TECPR1: variants seen among roughly 807,000 people sequenced by gnomAD.
TECPR1 encodes tectonin beta-propeller repeat-containing protein 1.
TECPR1 carries 122 observed loss-of-function variants against 162.4 expected under a neutral mutation model. The ratio of observed to expected loss-of-function variants is 0.75; its 90% confidence interval spans 0.65 to 0.87. TECPR1 has a LOEUF of 0.87. Among genes scored for constraint, TECPR1 ranks in the 40% least tolerant of loss-of-function variants. The pLI is 0.00. For synonymous variants in TECPR1, 642 were observed against 670.6 expected (o/e 0.96, Z 0.66); for missense variants, 1,432 against 1,618.2 (o/e 0.88, Z 1.97).
intron 8 of TECPR1, 34 bp downstream of exon 8, chr7:98,240,817 C>A: frequency 6.5e-7 from 1 of 1,547,086 alleles, no homozygotes; most frequent in South Asian, 1.2e-5. Context: ...AACTCCTGGG[C>A]TCAAGTGATC....
In TECPR1 at chr7:98,246,138, G is replaced by T. The variant is rs767345742; in HGVS notation, c.9C>A (p.Asn3Lys). Residue 3 changes from asparagine (N) to lysine (K), a missense_variant, in exon 3 of 26, where the codon AAC (asparagine) becomes AAA (lysine). By Grantham distance (94) the Asn-to-Lys change is moderately conservative. Transcript: ENST00000447648. MP[N>K]SVLWAVDLFG... The stretch of plus-strand genomic sequence containing the variant: ...AGAGGTCCACCGCCCACAGCACTGA[G>T]TTGGGCATGGCAGCGGCTGGAGGTA... 1 of 1,544,410 alleles carries T rather than the reference G, an allele frequency of 6.5e-7. No homozygotes were observed. Among genetic ancestry groups the T allele is most frequent in the South Asian group, 1.2e-5 (1 of 83,986 alleles).
At chr7:98,233,379 C>T in intron 11 of TECPR1, 42 bp downstream of exon 11, 1 of 1,415,742 alleles carries the variant, frequency 7.1e-7, no homozygotes, top group Non-Finnish European at 9.2e-7. Flanking sequence ...CCCCAGGGCA[C>T]CTGGCCATGT....
chr7:98,248,531 G>A (rs538557544), intron 2 of TECPR1, among the ~76,000 whole-genome samples: 4 of 71,088 alleles, frequency 5.6e-5, no homozygotes, highest in African/African-American at 1.1e-4. Flanking sequence ...AGCTGCCACC[G>A]GCAAAAAAAA....
At chr7:98,218,130 C>CTCTA in intron 23 of TECPR1, 88 bp from the exon 24 acceptor site, 1 of 1,079,274 alleles carries the variant, frequency 9.3e-7, no homozygotes, top group Non-Finnish European at 1.4e-6. Flanking sequence ...CCAGGCCCCG[C>CTCTA]TCTAACCACT....
chr7:98,217,543 T>C (rs1562931176), intron 25 of TECPR1, 40 bp from the exon 26 acceptor site: 2 of 1,384,980 alleles, frequency 1.4e-6, no homozygotes, highest in African/African-American at 3.2e-5. Flanking sequence ...ACTCGGGGAC[T>C]CGAGGATCCT....
intron 10 of TECPR1, among the ~76,000 whole-genome samples, chr7:98,234,478 A>C (rs947680887): frequency 6.6e-6 from 1 of 152,154 alleles, no homozygotes; most frequent in Non-Finnish European, 1.5e-5. Flanking sequence ...TTTATAAAAG[A>C]CCAGCTTCAG....
Position 98,233,805 on chromosome 7 carries a change from G to A in TECPR1, c.1288C>T (p.Pro430Ser), listed in dbSNP as rs752432719. The change falls in exon 11 of 26, where the codon CCT (proline) becomes TCT (serine). Residue 430 changes from proline (P) to serine (S), a missense_variant. Physicochemically the swap from Pro to Ser is moderately conservative, Grantham distance 74. Transcript: ENST00000447648. The part of the protein sequence containing the change: ...VERPGPGQIL[P>S]AEPLDDSKNA... ...TTGGAATCGTCTAGAGGTTCTGCAGGGAGAATCTGGCCAGGCCCTGGTCTC... is the reference window on the plus strand; with the variant it reads ...TTGGAATCGTCTAGAGGTTCTGCAGAGAGAATCTGGCCAGGCCCTGGTCTC... 6.2e-7 allele frequency: 1 copy of A among 1,608,240 alleles called. No individual in the cohort carries two copies. The highest frequency in any genetic ancestry group is 8.5e-7 in the Non-Finnish European group (1 of 1,177,922).
chr7:98,229,390 G>C (rs561618840), intron 15 of TECPR1, among the ~76,000 whole-genome samples: 6 of 152,298 alleles, frequency 3.9e-5, no homozygotes, highest in African/African-American at 1.4e-4. Flanking sequence ...GGCTGTGCAG[G>C]TCAGACCCTC....
At chr7:98,220,140 G>C (rs187380756) in intron 23 of TECPR1, among the ~76,000 whole-genome samples, 1 of 151,888 alleles carries the variant, frequency 6.6e-6, no homozygotes, top group African/African-American at 2.4e-5. Context: ...TCAGGAGTTC[G>C]AGACCAGCCT....
chr7:98,236,866 G>A lies in TECPR1; in HGVS notation c.1091C>T (p.Pro364Leu). The change falls in exon 10 of 26, where the codon CCC (proline) becomes CTC (leucine). Residue 364 changes from proline (P) to leucine (L), a missense_variant. Physicochemically the swap from Pro to Leu is moderately conservative, Grantham distance 98. Transcript: ENST00000447648. The stretch of plus-strand genomic sequence containing the variant: ...CCAGGTCTTCCCACTGAGCTCGCTG[G>A]GGGTGACACCCTGCCGGAAGTACAC... ...RAVYFRQGVTPSELSGKTWKA... is the reference protein window; with the variant it reads ...RAVYFRQGVTLSELSGKTWKA... The A allele has an allele frequency of 6.3e-7, 1 of 1,582,272 alleles. No individual in the cohort carries two copies. The highest frequency in any genetic ancestry group is 1.4e-5 in the African/African-American group (1 of 73,276).
chr7:98,221,641 T>G lies in TECPR1; in HGVS notation c.3157+20A>C. 1 of 1,610,844 alleles carries G rather than the reference T, an allele frequency of 6.2e-7. No individual in the cohort carries two copies. On this transcript the variant is annotated intron_variant, in intron 23 of 25. Coordinates refer to ENST00000447648, the MANE Select transcript of TECPR1 (RefSeq NM_015395.3). ...CATGCCCAGCCAAAACATTAAAAAT[T>G]TAAAAAAAGAGCAACTTGCCATTCT...
rs1001659499 is a variant in TECPR1, at chr7:98,218,027, C to T, written c.3173G>A (p.Arg1058His). The T allele has an allele frequency of 6.4e-6, 10 of 1,565,428 alleles. No homozygotes were observed. Among genetic ancestry groups the T allele is most frequent in the South Asian group, 1.2e-5 (1 of 84,866 alleles). Residue 1058 changes from arginine (R) to histidine (H), a missense_variant, in exon 24 of 26, where the codon CGC becomes CAC. Coordinates refer to ENST00000447648, the MANE Select transcript of TECPR1 (RefSeq NM_015395.3). Reference protein sequence around the residue: ...ALDENGNLWYRQGITPSYPQG... With the variant: ...ALDENGNLWYHQGITPSYPQG... ...CGGGTAGCTGGGCGTGATCCCTTGGCGATACCACAGGTTTCCTGGGGAGAA... is the reference window on the plus strand; with the variant it reads ...CGGGTAGCTGGGCGTGATCCCTTGGTGATACCACAGGTTTCCTGGGGAGAA...
chr7:98,224,848 C>T lies in TECPR1; in HGVS notation c.2643G>A (p.Pro881=), dbSNP rs373744345. 6.0e-5 allele frequency: 94 copies of T among 1,575,370 alleles called. 1 individual carries two copies. Among genetic ancestry groups the T allele is most frequent in the East Asian group, 9.4e-5 (4 of 42,670 alleles). ...VSDWFVDFSV[P]GGTDQEGWQY... ...GCCACCCCTCCTGGTCCGTGCCCCC[C>T]GGAACGCTGAAATCCACGAACCAGT... The change falls in exon 19 of 26, where the codon CCG becomes CCA. Residue 881 remains proline, a synonymous_variant. Coordinates refer to ENST00000447648, the MANE Select transcript of TECPR1 (RefSeq NM_015395.3).
At chr7:98,224,934 G>A (rs1798240044) in intron 18 of TECPR1, 54 bp from the exon 19 acceptor site, 3 of 1,545,342 alleles carry the variant, frequency 1.9e-6, no homozygotes, top group Non-Finnish European at 2.6e-6. Context: ...AAGGCAGTCA[G>A]AACACTCGAG....
intron 23 of TECPR1, among the ~76,000 whole-genome samples, chr7:98,219,816 G>A (rs936026957): frequency 6.6e-6 from 1 of 151,920 alleles, no homozygotes; most frequent in Non-Finnish European, 1.5e-5. Flanking sequence ...TAGGAGAATC[G>A]CTTGAACCTG....
chr7:98,223,530 C>T, intron 20 of TECPR1, 132 bp downstream of exon 20: 1 of 914,168 alleles, frequency 1.1e-6, no homozygotes, highest in Non-Finnish European at 1.7e-6. Flanking sequence ...ACCCTACTCC[C>T]CACTGCTTCT....
chr7:98,244,736 C>T (rs767309803), intron 4 of TECPR1, 43 bp from the exon 5 acceptor site: 1 of 1,589,590 alleles, frequency 6.3e-7, no homozygotes, highest in Non-Finnish European at 8.6e-7. Context: ...GCGGGGAAGG[C>T]ATTTGAAGAG....
At position 98,233,779 on chromosome 7, in the gene TECPR1, C is replaced by G. The variant is rs750811068; in HGVS notation, c.1314G>C (p.Lys438Asn). ...CTGAGGCTGAGTTCCCTGTGGCATT[C>G]TTGGAATCGTCTAGAGGTTCTGCAG... ...ILPAEPLDDS[K>N]NATGNSASGL... is the part of the protein sequence containing the mutation. Residue 438 changes from lysine (K) to asparagine (N), a missense_variant, in exon 11 of 26, where the codon AAG (lysine) becomes AAC (asparagine). By Grantham distance (94) the Lys-to-Asn change is moderately conservative. Coordinates refer to ENST00000447648, the MANE Select transcript of TECPR1 (RefSeq NM_015395.3). 6 of 1,612,102 alleles carry G rather than the reference C, an allele frequency of 3.7e-6. No homozygotes were observed. In the Admixed American group the frequency reaches 1.0e-4, roughly 27 times the overall value.
At chr7:98,249,840 C>A (rs1431250940) in intron 2 of TECPR1, among the ~76,000 whole-genome samples, 1 of 151,848 alleles carries the variant, frequency 6.6e-6, no homozygotes. Flanking sequence ...ATCGCTTGAA[C>A]CTGGTAGGAG....
Sources: allele counts gnomAD v4.1 joint callset (sites outside exome capture counted in the v4.1 genomes callset), GRCh38; gene constraint gnomAD v4.1.1; transcripts MANE v1.5; gene names NCBI Gene and HGNC (gene_info 2026-07-23, HGNC 2026-07-21).